The following WWOX variants were observed in gnomAD, a reference collection of about 807,000 sequenced individuals.
WWOX encodes WW domain-containing oxidoreductase.
In WWOX, 69 loss-of-function variants were observed where a neutral mutation model predicts 46.2. The ratio of observed to expected loss-of-function variants is 1.49; its 90% CI spans 1.23 to 1.82. WWOX has a LOEUF of 1.82. Among genes scored for constraint, WWOX ranks in the 40% most tolerant of loss-of-function variants. The pLI, the probability that WWOX is intolerant of heterozygous loss-of-function variation, is 0.00. For missense variants in WWOX, 919 were observed against 542.6 expected, an observed-to-expected ratio of 1.69 and a Z score of -6.89; for synonymous variants, 359 against 202.6, an observed-to-expected ratio of 1.77 and a Z score of -6.56.
chr16:79,035,721 T>G (rs2047853100), intron 8 of WWOX, among the ~76,000 whole-genome samples: 1 of 151,828 alleles, frequency 6.6e-6, no homozygotes, highest in Non-Finnish European at 1.5e-5. Context: ...GTATTTTTAG[T>G]AGGGACGGGG....
chr16:78,870,450 A>C (rs2044101942), intron 8 of WWOX, among the ~76,000 whole-genome samples: 1 of 152,082 alleles, frequency 6.6e-6, no homozygotes, highest in African/African-American at 2.4e-5. Flanking sequence ...GGATAACCGG[A>C]ATTGATACAA....
At chr16:78,344,999 A>G (rs2081070365) in intron 5 of WWOX, among the ~76,000 whole-genome samples, 1 of 119,938 alleles carries the variant, frequency 8.3e-6, no homozygotes, top group East Asian at 1.9e-4. Context: ...TGAAAACGGG[A>G]GTTTAGCCTA....
chr16:78,975,571 A>G (rs12935510), intron 8 of WWOX, among the ~76,000 whole-genome samples: 35,679 of 151,676 alleles, frequency 0.24, 4,663 homozygotes, highest in Admixed American at 0.33. Context: ...ATGCCTGTTC[A>G]TGTACCATAT....
intron 5 of WWOX, among the ~76,000 whole-genome samples, chr16:78,316,926 T>C (rs2080367635): frequency 6.6e-6 from 1 of 152,254 alleles, no homozygotes; most frequent in African/African-American, 2.4e-5. Context: ...ATTATTCGTT[T>C]TTCCAACAAA....
intron 8 of WWOX, among the ~76,000 whole-genome samples, chr16:78,982,006 G>T (rs1383787879): frequency 6.6e-6 from 1 of 152,166 alleles, no homozygotes; most frequent in Non-Finnish European, 1.5e-5. Flanking sequence ...CAGAATCTCA[G>T]TTTCAACATC....
intron 8 of WWOX, among the ~76,000 whole-genome samples, chr16:78,677,345 T>G (rs6564575): frequency 2.0e-5 from 3 of 152,092 alleles, no homozygotes; most frequent in East Asian, 1.9e-4. Flanking sequence ...ATGTTGAGAT[T>G]ACATACATCC....
intron 8 of WWOX, among the ~76,000 whole-genome samples, chr16:79,198,547 C>T (rs1442432148): frequency 1.3e-5 from 2 of 152,134 alleles, no homozygotes; most frequent in Non-Finnish European, 2.9e-5. Context: ...GTGGAGCAAC[C>T]TAACTAGAGA....
intron 5 of WWOX, among the ~76,000 whole-genome samples, chr16:78,205,660 T>A (rs1234765422): frequency 6.6e-6 from 1 of 151,658 alleles, no homozygotes; most frequent in African/African-American, 2.4e-5. Flanking sequence ...TACCCACTCA[T>A]CTACCCTTTC....
At chr16:79,206,960 A>G (rs765114153) in intron 8 of WWOX, among the ~76,000 whole-genome samples, 9 of 152,126 alleles carry the variant, frequency 5.9e-5, no homozygotes, top group Non-Finnish European at 1.2e-4. Context: ...TGTGTTTCCA[A>G]TGAGAGATTG....
intron 8 of WWOX, among the ~76,000 whole-genome samples, chr16:78,630,715 C>T (rs927141066): frequency 1.3e-5 from 2 of 152,126 alleles, no homozygotes; most frequent in Non-Finnish European, 2.9e-5. Context: ...ATGAGTGTGA[C>T]CGTATGCTGA....
chr16:78,236,375 GT>G (rs1368754204), intron 5 of WWOX, among the ~76,000 whole-genome samples: 1 of 152,136 alleles, frequency 6.6e-6, no homozygotes, highest in Non-Finnish European at 1.5e-5. Flanking sequence ...AAGAATAGGT[GT>G]TTTTGTGATG....
intron 8 of WWOX, among the ~76,000 whole-genome samples, chr16:78,668,728 C>G (rs2047391093): frequency 6.6e-6 from 1 of 151,934 alleles, no homozygotes; most frequent in Admixed American, 6.6e-5. Flanking sequence ...TGTAGGTAGA[C>G]CACCCTGGAA....
chr16:78,409,532 C>G (rs111228638), intron 6 of WWOX, among the ~76,000 whole-genome samples: 5 of 152,272 alleles, frequency 3.3e-5, no homozygotes, highest in East Asian at 1.9e-4. Flanking sequence ...TCTGTTTCTG[C>G]TAAATTACCC....
At chr16:78,717,777 G>C (rs907206090) in intron 8 of WWOX, among the ~76,000 whole-genome samples, 1 of 152,130 alleles carries the variant, frequency 6.6e-6, no homozygotes, top group Non-Finnish European at 1.5e-5. Flanking sequence ...GATGGAGGTA[G>C]GTGGGAACAT....
intron 5 of WWOX, among the ~76,000 whole-genome samples, chr16:78,335,247 C>T (rs1043677414): frequency 1.3e-5 from 2 of 152,194 alleles, no homozygotes; most frequent in African/African-American, 2.4e-5. Flanking sequence ...ATATGAAGCC[C>T]AGCGTCCATT....
chr16:78,099,949 T>G, intron 1 of WWOX, 64 bp downstream of exon 1: 3 of 1,531,226 alleles, frequency 2.0e-6, no homozygotes, highest in Non-Finnish European at 2.6e-6. Flanking sequence ...GGACGCCACC[T>G]GCGCGGGGAG....
Position 78,861,149 on chromosome 16 carries a change from C to A in WWOX, c.1057-350459C>A, listed in dbSNP as rs148635516. On this transcript the variant is annotated intron_variant, in intron 8 of 8. Transcript: ENST00000566780. ...AGGTCCTGTCTGCCTGCCTGCCTTT[C>A]CTCCCTCTCTCTCTTTCTTCCTCTC... Among the ~76,000 whole-genome samples the A allele has an allele frequency of 3.1e-3, 470 of 152,192 alleles. 3 individuals are homozygous for A. The highest frequency in any genetic ancestry group is 0.011 in the African/African-American group (452 of 41,506).
chr16:78,973,303 T>C (rs186542499), intron 8 of WWOX, among the ~76,000 whole-genome samples: 25 of 152,236 alleles, frequency 1.6e-4, no homozygotes, highest in Admixed American at 1.2e-3. Flanking sequence ...GGCGTTTGGG[T>C]ACTTATGTTC....
chr16:78,411,973 A>G (rs193294993), intron 6 of WWOX, among the ~76,000 whole-genome samples: 3 of 152,324 alleles, frequency 2.0e-5, no homozygotes, highest in East Asian at 1.9e-4. Flanking sequence ...AAGGAATTGT[A>G]TCACCGAGTT....
Sources: gnomAD v4.1 joint callset for allele counts (sites outside exome capture counted in the v4.1 genomes callset) on GRCh38, gnomAD v4.1.1 for gene constraint, MANE v1.5 for transcripts, NCBI Gene and HGNC (gene_info 2026-07-23, HGNC 2026-07-21) for gene names.